ANKRD17: variants seen among roughly 807,000 people sequenced by gnomAD.
ANKRD17 encodes the protein ankyrin repeat domain-containing protein 17.
Under a neutral mutation model 229.7 loss-of-function variants are expected in ANKRD17, and 19 were observed. The observed-to-expected ratio is 0.08, with a 90% CI of 0.06 to 0.12. ANKRD17 has a LOEUF of 0.12. Among genes scored for constraint, ANKRD17 ranks in the 10% least tolerant of loss-of-function variants. The pLI, the probability that ANKRD17 is intolerant of heterozygous loss-of-function variation, is 1.00. For missense variants in ANKRD17, 2,176 were observed against 3,176.8 expected, an observed-to-expected ratio of 0.68 and a Z score of 7.57; for synonymous variants, 1,112 against 1,146.1, an observed-to-expected ratio of 0.97 and a Z score of 0.60.
At chr4:73,213,941 A>T (rs1035846453) in intron 1 of ANKRD17, among the ~76,000 whole-genome samples, 1 of 152,208 alleles carries the variant, frequency 6.6e-6, no homozygotes, top group African/African-American at 2.4e-5. Flanking sequence ...GCCTTCAAAA[A>T]AAATACTCAA....
intron 16 of ANKRD17, among the ~76,000 whole-genome samples, chr4:73,125,522 CAA>C (rs1727317496): frequency 6.6e-6 from 1 of 152,012 alleles, no homozygotes; most frequent in Admixed American, 6.5e-5. Flanking sequence ...ATCACGAGGT[CAA>C]GAGATTGAGA....
chr4:73,130,507 T>A (rs999327842), intron 16 of ANKRD17, among the ~76,000 whole-genome samples: 5 of 152,226 alleles, frequency 3.3e-5, no homozygotes, highest in African/African-American at 1.2e-4. Context: ...ACAATTTCAG[T>A]CTTGATACGT....
chr4:73,076,004 A>T lies in ANKRD17; in HGVS notation c.*227T>A, dbSNP rs550332638. Reference sequence around the variant, plus strand: ...AAGGGGAAGAGGGAAAGAAAAAAAGAAAAATGATAAGAAAAATGCTAACTA... The same window carrying T: ...AAGGGGAAGAGGGAAAGAAAAAAAGTAAAATGATAAGAAAAATGCTAACTA... On this transcript the variant is annotated 3_prime_UTR_variant, in exon 34 of 34. Coordinates refer to ENST00000358602, the MANE Select transcript of ANKRD17 (RefSeq NM_032217.5). 4.9e-6 allele frequency: 2 copies of T among 404,812 alleles called. No individual in the cohort carries two copies. Among genetic ancestry groups the T allele is most frequent in the East Asian group, 7.8e-5 (2 of 25,756 alleles). 25.1% of individuals were successfully genotyped at this position (404,812 alleles called of 1,614,324 possible).
At chr4:73,118,507 G>A (rs1235828604) in intron 22 of ANKRD17, among the ~76,000 whole-genome samples, 181 bp downstream of exon 22, 1 of 151,490 alleles carries the variant, frequency 6.6e-6, no homozygotes, top group Non-Finnish European at 1.5e-5. Context: ...TAAAATTAAT[G>A]GCTTTTCTGA....
chr4:73,221,001 A>G (rs1426367210), intron 1 of ANKRD17, among the ~76,000 whole-genome samples: 2 of 152,096 alleles, frequency 1.3e-5, no homozygotes, highest in Admixed American at 1.3e-4. Context: ...AAAATGGTAC[A>G]TTTATCTGCA....
At chr4:73,177,097 A>C (rs938461934) in intron 2 of ANKRD17, among the ~76,000 whole-genome samples, 1 of 152,162 alleles carries the variant, frequency 6.6e-6, no homozygotes, top group Non-Finnish European at 1.5e-5. Context: ...GCATTTTTGC[A>C]GGTAGGCAAA....
intron 1 of ANKRD17, among the ~76,000 whole-genome samples, chr4:73,243,361 T>C (rs962225669): frequency 1.7e-4 from 26 of 152,170 alleles, no homozygotes; most frequent in African/African-American, 5.8e-4. Flanking sequence ...GAGGCTACTA[T>C]GAAGTTCAAG....
rs1243934562 is a variant in ANKRD17 at position 73,153,079 on chromosome 4, T to C, written c.1234+801A>G. Among the ~76,000 whole-genome samples the C allele has an allele frequency of 2.6e-5, 4 of 152,186 alleles. No individual in the cohort carries two copies. In the South Asian group the frequency reaches 6.2e-4, roughly 24 times the overall value. On this transcript the variant is annotated intron_variant, in intron 6 of 33. Coordinates refer to ENST00000358602, the MANE Select transcript of ANKRD17 (RefSeq NM_032217.5). ...CAGAACTAGGGTGAGGAAATCAAAG[T>C]GCTGGGTGCAAAATTTAAGGAGCCA...
At chr4:73,179,519 T>TATATATATA (rs1491097354) in intron 1 of ANKRD17, among the ~76,000 whole-genome samples, 7 of 35,966 alleles carry the variant, frequency 1.9e-4, no homozygotes, top group Admixed American at 3.8e-4. Context: ...TATATATATA[T>TATATATATA]TTTTTTTTTT....
At chr4:73,104,243 A>T (rs996389247) in intron 24 of ANKRD17, among the ~76,000 whole-genome samples, 20 of 152,360 alleles carry the variant, frequency 1.3e-4, no homozygotes, top group African/African-American at 4.6e-4. Context: ...GGAACAAAAC[A>T]GTAACTGGTG....
Position 73,125,195 on chromosome 4 carries a change from C to A in ANKRD17, c.3346+6G>T, listed in dbSNP as rs1351625891. 1 of 1,596,252 alleles carries A rather than the reference C, an allele frequency of 6.3e-7. No homozygotes were observed. The highest frequency in any genetic ancestry group is 8.5e-7 in the Non-Finnish European group (1 of 1,174,482). On this transcript the variant is annotated splice_donor_region_variant and intron_variant, in intron 17 of 33. Coordinates refer to ENST00000358602, the MANE Select transcript of ANKRD17 (RefSeq NM_032217.5). ...TTCCAAAAAATAAAACAAAAGTAGG[C>A]CCTACCTTTCTTGTCTCGGTGCTCT...
intron 27 of ANKRD17, among the ~76,000 whole-genome samples, chr4:73,095,184 A>G (rs545566284): frequency 3.1e-4 from 47 of 152,304 alleles, no homozygotes; most frequent in African/African-American, 1.1e-3. Flanking sequence ...AGGAAAAAAG[A>G]AAAAATATTC....
At chr4:73,168,148 C>A (rs1177354843) in intron 2 of ANKRD17, among the ~76,000 whole-genome samples, 2 of 149,328 alleles carry the variant, frequency 1.3e-5, no homozygotes, top group Non-Finnish European at 3.0e-5. Context: ...GAGACTCCGT[C>A]TCAAAAAAAA....
At chr4:73,131,509 G>C (rs535539266) in intron 16 of ANKRD17, among the ~76,000 whole-genome samples, 1 of 152,226 alleles carries the variant, frequency 6.6e-6, no homozygotes, top group African/African-American at 2.4e-5. Context: ...AAAGACAAAT[G>C]ATCTCTTACC....
intron 23 of ANKRD17, among the ~76,000 whole-genome samples, chr4:73,114,854 G>A (rs1349793873): frequency 6.6e-6 from 1 of 152,100 alleles, no homozygotes; most frequent in Non-Finnish European, 1.5e-5. Flanking sequence ...TTTAAGATTT[G>A]TTGTCCTCTT....
chr4:73,252,556 G>A (rs1745120491), intron 1 of ANKRD17, among the ~76,000 whole-genome samples: 1 of 152,042 alleles, frequency 6.6e-6, no homozygotes. Context: ...TGCACATATG[G>A]GGCTAGAGCA....
intron 1 of ANKRD17, among the ~76,000 whole-genome samples, chr4:73,180,171 T>A (rs949361581): frequency 4.6e-5 from 7 of 151,950 alleles, no homozygotes; most frequent in African/African-American, 1.7e-4. Context: ...AAGGTAGAGA[T>A]CAGAGGTGCT....
chr4:73,194,028 C>G (rs1299369495), intron 1 of ANKRD17, among the ~76,000 whole-genome samples: 1 of 152,170 alleles, frequency 6.6e-6, no homozygotes, highest in African/African-American at 2.4e-5. Context: ...TTATCAAACA[C>G]ATGGCTTGCA....
intron 3 of ANKRD17, 128 bp from the exon 4 acceptor site, chr4:73,156,294 G>A: frequency 8.6e-7 from 1 of 1,163,024 alleles, no homozygotes; most frequent in South Asian, 1.8e-5. Flanking sequence ...CACCCAGGAG[G>A]GGGTACAGTG....
Sources: allele counts gnomAD v4.1 joint callset (sites outside exome capture counted in the v4.1 genomes callset), GRCh38; gene constraint gnomAD v4.1.1; transcripts MANE v1.5; gene names NCBI Gene and HGNC (gene_info 2026-07-23, HGNC 2026-07-21).